CSMD1: variants seen among roughly 807,000 people sequenced by gnomAD.
The protein encoded by CSMD1 is CUB and sushi domain-containing protein 1.
A neutral mutation model predicts 417.5 loss-of-function variants in CSMD1; 213 were observed. The ratio of observed to expected loss-of-function variants is 0.51; its 90% CI spans 0.46 to 0.57. The LOEUF (loss-of-function observed/expected upper bound fraction) is 0.57. Among genes scored for constraint, CSMD1 ranks in the 20% least tolerant of loss-of-function variants. The pLI, the probability that CSMD1 is intolerant of heterozygous loss-of-function variation, is 0.00. For synonymous variants in CSMD1, 2,862 were observed against 1,736.8 expected, an observed-to-expected ratio of 1.65 and a Z score of -16.11; for missense variants, 6,923 against 4,529.7, an observed-to-expected ratio of 1.53 and a Z score of -15.17.
At chr8:3,629,468 T>A (rs1021606707) in intron 7 of CSMD1, among the ~76,000 whole-genome samples, 5 of 152,186 alleles carry the variant, frequency 3.3e-5, no homozygotes, top group Non-Finnish European at 5.9e-5. Flanking sequence ...GAAAATTTAA[T>A]GACATGGAAT....
chr8:3,953,619 A>C (rs1041139759), intron 5 of CSMD1, among the ~76,000 whole-genome samples: 1 of 151,998 alleles, frequency 6.6e-6, no homozygotes, highest in Admixed American at 6.6e-5. Flanking sequence ...TACGCATTTC[A>C]AGGTTTCTAT....
intron 3 of CSMD1, among the ~76,000 whole-genome samples, chr8:4,080,318 T>C (rs1012229546): frequency 5.6e-4 from 86 of 152,328 alleles, no homozygotes; most frequent in African/African-American, 1.9e-3. Context: ...TAAGGCACGA[T>C]CTTACCCGTG....
intron 3 of CSMD1, among the ~76,000 whole-genome samples, chr8:4,121,485 C>A (rs929765137): frequency 6.6e-6 from 1 of 152,104 alleles, no homozygotes; most frequent in African/African-American, 2.4e-5. Flanking sequence ...AGTTACTTTC[C>A]TATTTCTCAC....
chr8:4,015,802 T>G (rs531375003), intron 4 of CSMD1, among the ~76,000 whole-genome samples: 1 of 151,970 alleles, frequency 6.6e-6, no homozygotes, highest in Admixed American at 6.6e-5. Flanking sequence ...AAAACAAGGG[T>G]GAAACTTCAT....
intron 1 of CSMD1, among the ~76,000 whole-genome samples, chr8:4,942,977 C>A (rs1486553110): frequency 6.6e-6 from 1 of 152,144 alleles, no homozygotes; most frequent in Non-Finnish European, 1.5e-5. Flanking sequence ...AAGGCAGCTT[C>A]CCAGAAAGTC....
chr8:4,583,319 T>C (rs558078828), intron 2 of CSMD1, among the ~76,000 whole-genome samples: 2 of 152,286 alleles, frequency 1.3e-5, no homozygotes, highest in African/African-American at 4.8e-5. Context: ...TTGGAGAACC[T>C]TTATGTGTCT....
intron 12 of CSMD1, among the ~76,000 whole-genome samples, chr8:3,424,819 T>G (rs1465100808): frequency 6.6e-6 from 1 of 152,200 alleles, no homozygotes; most frequent in East Asian, 1.9e-4. Context: ...ATTGGCATAT[T>G]GTTATCATCA....
intron 2 of CSMD1, among the ~76,000 whole-genome samples, chr8:4,558,759 T>G (rs749775058): frequency 2.0e-5 from 3 of 152,064 alleles, no homozygotes; most frequent in African/African-American, 4.8e-5. Context: ...TCCCAGCTAC[T>G]CCGGAGGCTG....
intron 7 of CSMD1, among the ~76,000 whole-genome samples, chr8:3,701,296 C>T (rs1241488050): frequency 2.0e-5 from 3 of 152,152 alleles, no homozygotes; most frequent in Non-Finnish European, 4.4e-5. Flanking sequence ...TATGAGTGAG[C>T]TGGTTTTCTT....
intron 3 of CSMD1, among the ~76,000 whole-genome samples, chr8:4,246,703 G>A (rs771688156): frequency 2.3e-4 from 35 of 151,952 alleles, no homozygotes; most frequent in Non-Finnish European, 4.0e-4. Flanking sequence ...ATTTTTCATT[G>A]TTTTTTAATT....
rs541819409 is a variant in CSMD1 at position 4,517,615 on chromosome 8, G to A, written c.303-97550C>T. 3.9e-5 allele frequency among the ~76,000 whole-genome samples: 6 copies of A among 152,154 alleles called. No homozygotes were observed. The South Asian group carries it at 1.2e-3, about 32-fold the overall frequency. Reference sequence around the variant, plus strand: ...TATGTATAATGTATTTAACATGCACGAGCCTTTAAACACCTAAGAGCCACG... The same window carrying A: ...TATGTATAATGTATTTAACATGCACAAGCCTTTAAACACCTAAGAGCCACG... On this transcript the variant is annotated intron_variant, in intron 2 of 69. Coordinates refer to ENST00000635120, the MANE Select transcript of CSMD1 (RefSeq NM_033225.6).
At chr8:4,302,631 G>A (rs1267846862) in intron 3 of CSMD1, among the ~76,000 whole-genome samples, 1 of 152,140 alleles carries the variant, frequency 6.6e-6, no homozygotes, top group Non-Finnish European at 1.5e-5. Context: ...GTTTTTCTCT[G>A]ACACAAAGGT....
At chr8:3,447,553 C>G (rs1329875920) in intron 12 of CSMD1, among the ~76,000 whole-genome samples, 2 of 152,166 alleles carry the variant, frequency 1.3e-5, no homozygotes, top group African/African-American at 2.4e-5. Context: ...CCCGGAACCA[C>G]TGTTCACAGA....
intron 1 of CSMD1, among the ~76,000 whole-genome samples, chr8:4,708,587 C>G (rs1205294928): frequency 1.3e-5 from 2 of 151,970 alleles, no homozygotes. Flanking sequence ...GTCACTTAAA[C>G]TAGGTAGCCA....
intron 37 of CSMD1, among the ~76,000 whole-genome samples, chr8:3,178,858 C>A (rs963933215): frequency 6.6e-6 from 1 of 151,744 alleles, no homozygotes. Context: ...ATCAGAAAAT[C>A]TTTTGGCGAT....
chr8:4,598,348 T>G (rs1271661741), intron 2 of CSMD1, among the ~76,000 whole-genome samples: 1 of 152,162 alleles, frequency 6.6e-6, no homozygotes, highest in Non-Finnish European at 1.5e-5. Flanking sequence ...AAAATGGTGT[T>G]GGAGGTTAGG....
intron 5 of CSMD1, among the ~76,000 whole-genome samples, chr8:3,853,888 A>G (rs1804097613): frequency 6.9e-6 from 1 of 145,264 alleles, no homozygotes; most frequent in Non-Finnish European, 1.5e-5. Flanking sequence ...ATATTAATAT[A>G]TTATACTTTA....
chr8:3,910,127 G>A (rs868408967), intron 5 of CSMD1, among the ~76,000 whole-genome samples: 2 of 152,178 alleles, frequency 1.3e-5, no homozygotes, highest in African/African-American at 4.8e-5. Flanking sequence ...GATAATAACA[G>A]TGTGTGAGCT....
At chr8:3,892,633 T>C (rs950183705) in intron 5 of CSMD1, among the ~76,000 whole-genome samples, 2 of 151,894 alleles carry the variant, frequency 1.3e-5, no homozygotes, top group African/African-American at 2.4e-5. Context: ...ACGTCAGTAC[T>C]GTTGCTTGGC....
Sources: gnomAD v4.1 joint callset for allele counts (sites outside exome capture counted in the v4.1 genomes callset) on GRCh38, gnomAD v4.1.1 for gene constraint, MANE v1.5 for transcripts, NCBI Gene and HGNC (gene_info 2026-07-23, HGNC 2026-07-21) for gene names.